The following ZNF682 variants were observed in gnomAD, a reference collection of about 807,000 sequenced individuals.
ZNF682 encodes zinc finger protein 682.
In ZNF682, 29 loss-of-function variants were observed where a neutral mutation model predicts 36.5. The observed-to-expected ratio is 0.80, with a 90% CI of 0.59 to 1.08. The LOEUF (loss-of-function observed/expected upper bound fraction) is 1.08. Ranked by LOEUF, ZNF682 falls within the 50% of genes least tolerant of loss-of-function variation. The pLI is 0.00. For missense variants in ZNF682, 561 were observed against 579.7 expected (o/e 0.97, Z 0.33); for synonymous variants, 180 against 197.0 (o/e 0.91, Z 0.72).
At position 20,006,855 on chromosome 19, in the gene ZNF682, A is replaced by C. The variant is rs1030114630; in HGVS notation, c.647T>G (p.Leu216Arg). 3 of 1,613,932 alleles carry C rather than the reference A, an allele frequency of 1.9e-6. No individual in the cohort carries two copies. The African/African-American group carries it at 4.0e-5, about 22-fold the overall frequency. The change falls in exon 4 of 4, where the codon CTT becomes CGT. Residue 216 changes from leucine (L) to arginine (R), a missense_variant. By Grantham distance (102) the Leu-to-Arg change is moderately radical (BLOSUM62 -2). Transcript: ENST00000397165. ...AGTGTGAATTCTCTTATGTTTAGTAAGGTATGAGAACCACTTAAAGGTTTT... is the reference window on the plus strand; with the variant it reads ...AGTGTGAATTCTCTTATGTTTAGTACGGTATGAGAACCACTTAAAGGTTTT... ...CGKTFKWFSY[L>R]TKHKRIHTGE...
chr19:20,006,263 A>T lies in ZNF682; in HGVS notation c.1239T>A (p.Thr413=). Reference sequence around the variant, plus strand: ...CTCCAGTATGAATTCTCTTATGTTCAGTAAGGATTGAGGACCAGTTAAAAG... The same window carrying T: ...CTCCAGTATGAATTCTCTTATGTTCTGTAAGGATTGAGGACCAGTTAAAAG... ...GKAFNWSSIL[T]EHKRIHTGEK... is the part of the protein sequence containing the mutation. Residue 413 remains threonine, a synonymous_variant, in exon 4 of 4, where the codon ACT becomes ACA. Coordinates refer to ENST00000397165, the MANE Select transcript of ZNF682 (RefSeq NM_033196.3). 6.2e-7 allele frequency: 1 copy of T among 1,613,742 alleles called. No individual in the cohort carries two copies. The highest frequency in any genetic ancestry group is 1.3e-5 in the African/African-American group (1 of 75,038).
chr19:20,021,415 CG>C (rs1426182501), intron 3 of ZNF682, among the ~76,000 whole-genome samples: 2 of 151,872 alleles, frequency 1.3e-5, no homozygotes, highest in African/African-American at 4.8e-5. Flanking sequence ...ACCTGGGAGG[CG>C]GAGGTTGCAG....
intron 3 of ZNF682, among the ~76,000 whole-genome samples, chr19:20,009,927 C>T (rs544012981): frequency 8.8e-4 from 134 of 151,574 alleles, no homozygotes; most frequent in African/African-American, 3.0e-3. Flanking sequence ...GGCTGAGGCA[C>T]GAGAATTGCT....
At chr19:20,003,159 C>T (rs1325435946), downstream of ZNF682, among the ~76,000 whole-genome samples, 4 of 114,122 alleles carry the variant, frequency 3.5e-5, no homozygotes, top group South Asian at 9.1e-4. Context: ...CCACTGCACT[C>T]CAGCGTGGGC....
In ZNF682 at chr19:20,029,566, A is replaced by G. The variant is rs186066053; in HGVS notation, c.4-5190T>C. ...CAGCGAGCAGAAATCATACCACTGC[A>G]CTCCAGCCTGGGTGACAGAGTGAGA... On this transcript the variant is annotated intron_variant, in intron 1 of 3. Transcript: ENST00000397165. Among the ~76,000 whole-genome samples the G allele has an allele frequency of 2.2e-3, 322 of 149,360 alleles. 2 individuals are homozygous for G. Among genetic ancestry groups the G allele is most frequent in the South Asian group, 4.5e-3 (21 of 4,706 alleles).
intron 1 of ZNF682, among the ~76,000 whole-genome samples, chr19:20,026,538 C>A (rs535157345): frequency 6.6e-6 from 1 of 152,084 alleles, no homozygotes; most frequent in African/African-American, 2.4e-5. Flanking sequence ...GGCATGATCC[C>A]GGCTCACTGC....
At chr19:20,015,523 C>G (rs960606952) in intron 3 of ZNF682, 2 of 721,062 alleles carry the variant, frequency 2.8e-6, no homozygotes, top group Non-Finnish European at 1.7e-6. Context: ...AAAACTGTAA[C>G]AAATAAATAT....
At chr19:20,024,224 A>G in intron 2 of ZNF682, 26 bp downstream of exon 2, 1 of 1,612,252 alleles carries the variant, frequency 6.2e-7, no homozygotes, top group East Asian at 2.2e-5. Flanking sequence ...TGTGAAATAG[A>G]AATTGTGTAT....
intron 3 of ZNF682, among the ~76,000 whole-genome samples, chr19:20,012,931 A>G (rs1231155007): frequency 1.3e-5 from 2 of 152,114 alleles, no homozygotes; most frequent in Non-Finnish European, 2.9e-5. Flanking sequence ...ACAGCAACAA[A>G]AATCAAAACA....
At chr19:20,015,431 A>G in intron 3 of ZNF682, 2 of 981,632 alleles carry the variant, frequency 2.0e-6, no homozygotes, top group Non-Finnish European at 2.4e-6. Flanking sequence ...CTTAAAATGT[A>G]CAGAGCTGAA....
chr19:20,019,019 C>G (rs1187484226), intron 3 of ZNF682, among the ~76,000 whole-genome samples: 1 of 152,150 alleles, frequency 6.6e-6, no homozygotes, highest in African/African-American at 2.4e-5. Flanking sequence ...AGTTAATTTT[C>G]ACAATATATA....
rs938745349 is a variant in ZNF682 at position 20,032,412 on chromosome 19, G to A, written c.3+6931C>T. On this transcript the variant is annotated intron_variant, in intron 1 of 3. Coordinates refer to ENST00000397165, the MANE Select transcript of ZNF682 (RefSeq NM_033196.3). ...GAATGGTTGGTTGCTGCCCTGTAAG[G>A]TTATTTTTGTAGAAATCTGATCTGA... Among the ~76,000 whole-genome samples the A allele has an allele frequency of 5.3e-5, 8 of 152,154 alleles. No homozygotes were observed. The East Asian group carries it at 1.4e-3, about 26-fold the overall frequency.
intron 1 of ZNF682, chr19:20,030,578 T>C (rs1295668432): frequency 2.0e-5 from 3 of 151,932 alleles, no homozygotes; most frequent in South Asian, 2.1e-4. Flanking sequence ...CCTCAAAAAA[T>C]AGAAAAGAAA....
At chr19:19,999,852 T>A (rs543747680), downstream of ZNF682, among the ~76,000 whole-genome samples, 4 of 152,316 alleles carry the variant, frequency 2.6e-5, no homozygotes, top group African/African-American at 4.8e-5. Flanking sequence ...AATTTTTATA[T>A]GTTTTGTCTT....
At chr19:20,016,940 CTAA>C (rs147459959) in intron 3 of ZNF682, among the ~76,000 whole-genome samples, 179 of 152,054 alleles carry the variant, frequency 1.2e-3, no homozygotes, top group African/African-American at 4.1e-3. Context: ...TAATGTGACA[CTAA>C]TAACAAAGGA....
intron 3 of ZNF682, among the ~76,000 whole-genome samples, chr19:20,020,948 C>A (rs950508988): frequency 1.1e-5 from 1 of 87,742 alleles, no homozygotes; most frequent in Non-Finnish European, 2.3e-5. Context: ...TATATACTTC[C>A]AGTCCTGAAA....
Position 20,022,994 on chromosome 19 carries a change from T to G in ZNF682, c.226+10A>C. ...TCACCTGTGGCATGTGTTTCATTCA[T>G]CCAACCTACCTGGGGGTTTGGCTAT... On this transcript the variant is annotated intron_variant, in intron 3 of 3. Transcript: ENST00000397165. 1.2e-6 allele frequency: 2 copies of G among 1,612,232 alleles called. No individual in the cohort carries two copies. Among genetic ancestry groups the G allele is most frequent in the African/African-American group, 2.7e-5 (2 of 74,978 alleles).
At chr19:20,039,211 G>C (rs2088561739) in intron 1 of ZNF682, 132 bp downstream of exon 1, 2 of 1,462,680 alleles carry the variant, frequency 1.4e-6, no homozygotes, top group African/African-American at 2.8e-5. Flanking sequence ...CGGCCGAGCT[G>C]TGCCTGCCGG....
chr19:20,028,729 A>G (rs1482614654), intron 1 of ZNF682, among the ~76,000 whole-genome samples: 1 of 152,224 alleles, frequency 6.6e-6, no homozygotes, highest in Non-Finnish European at 1.5e-5. Flanking sequence ...TTGGTCCTTT[A>G]AAGTTTCCAG....
Sources: gnomAD v4.1 joint callset for allele counts (sites outside exome capture counted in the v4.1 genomes callset) on GRCh38, gnomAD v4.1.1 for gene constraint, MANE v1.5 for transcripts, NCBI Gene and HGNC (gene_info 2026-07-23, HGNC 2026-07-21) for gene names.